NXPE2: variants seen among roughly 807,000 people sequenced by gnomAD.
NXPE2 encodes neurexophilin and PC-esterase domain family member 2.
A neutral mutation model predicts 34.4 loss-of-function variants in NXPE2; 34 were observed. The observed-to-expected ratio is 0.99, with a 90% CI of 0.75 to 1.31. The LOEUF is 1.31. Ranked by LOEUF, NXPE2 falls within the 40% of genes most tolerant of loss-of-function variation. The pLI is 0.00. For missense variants in NXPE2, 649 were observed against 672.5 expected (o/e 0.97, Z 0.39); for synonymous variants, 235 against 231.3 (o/e 1.02, Z -0.15).
chr11:114,573,956 T>G, the NXPE2 span, among the ~76,000 whole-genome samples: 1 of 152,100 alleles, frequency 6.6e-6, no homozygotes, highest in Non-Finnish European at 1.5e-5. Flanking sequence ...GAGCATATGA[T>G]AGGCCACAAA....
At chr11:114,732,119 C>A in the NXPE2 span, among the ~76,000 whole-genome samples, 1,356 of 152,244 alleles carry the variant, frequency 8.9e-3, 10 homozygotes, top group Non-Finnish European at 0.014. Flanking sequence ...GTGCAATTTA[C>A]ATACAATAAA....
the NXPE2 span, among the ~76,000 whole-genome samples, chr11:114,641,533 G>C: frequency 1.3e-5 from 2 of 152,060 alleles, no homozygotes; most frequent in Non-Finnish European, 2.9e-5. Flanking sequence ...ATATGTAACT[G>C]TACATGCAGC....
the NXPE2 span, among the ~76,000 whole-genome samples, chr11:114,598,143 G>T: frequency 6.6e-6 from 1 of 152,180 alleles, no homozygotes; most frequent in Non-Finnish European, 1.5e-5. Flanking sequence ...AGCAGCTACA[G>T]GCTTCATGCA....
chr11:114,663,716 G>A, the NXPE2 span, among the ~76,000 whole-genome samples: 6 of 86,438 alleles, frequency 6.9e-5, no homozygotes, highest in Non-Finnish European at 1.5e-4. Flanking sequence ...CTATCTATCT[G>A]ATCTACCTAC....
chr11:114,474,936 A>G, the NXPE2 span, among the ~76,000 whole-genome samples: 2 of 152,224 alleles, frequency 1.3e-5, no homozygotes, highest in Non-Finnish European at 2.9e-5. Flanking sequence ...ATTTTTGTCA[A>G]AACGTTCAAA....
the NXPE2 span, among the ~76,000 whole-genome samples, chr11:114,794,120 G>A: frequency 1.3e-5 from 2 of 152,092 alleles, no homozygotes; most frequent in African/African-American, 2.4e-5. Context: ...AGCACTTCCT[G>A]CTGAGTCTCT....
the NXPE2 span, among the ~76,000 whole-genome samples, chr11:114,740,864 T>A: frequency 6.6e-6 from 1 of 152,216 alleles, no homozygotes; most frequent in Non-Finnish European, 1.5e-5. Context: ...TGGGTGCATA[T>A]GTATGTAGAA....
the NXPE2 span, among the ~76,000 whole-genome samples, chr11:114,492,859 T>G: frequency 6.6e-6 from 1 of 152,202 alleles, no homozygotes; most frequent in Admixed American, 6.5e-5. Context: ...GTTTCTTTGT[T>G]GATTTTCTGT....
At position 114,704,041 on chromosome 11, in the gene NXPE2, T is replaced by C. The variant is rs1242758649; in HGVS notation, c.917T>C (p.Ile306Thr). ...MMKNFTPIEV[I>T]PCNKSENIKK... ...AAGAACTTTACCCCCATTGAGGTCA[T>C]ACCATGCAACAGTAAGTCTGGAGTG... Residue 306 changes from isoleucine to threonine, a missense_variant, in exon 4 of 6, where the codon ATA (isoleucine) becomes ACA (threonine). Physicochemically the swap from Ile to Thr is moderately conservative, Grantham distance 89. Transcript: ENST00000389586. 4 of 1,551,176 alleles carry C rather than the reference T, an allele frequency of 2.6e-6. No homozygotes were observed. The highest frequency in any genetic ancestry group is 3.5e-6 in the Non-Finnish European group (4 of 1,146,152).
chr11:114,720,385 T>C, the NXPE2 span, among the ~76,000 whole-genome samples: 1 of 152,196 alleles, frequency 6.6e-6, no homozygotes, highest in Admixed American at 6.5e-5. Context: ...AAGGCCTGCT[T>C]CTCCATAAAG....
chr11:114,796,240 A>G, the NXPE2 span, among the ~76,000 whole-genome samples: 1 of 152,234 alleles, frequency 6.6e-6, no homozygotes, highest in African/African-American at 2.4e-5. Flanking sequence ...GATATATTGC[A>G]TAATGATGGG....
chr11:114,713,768 G>A, the NXPE2 span, among the ~76,000 whole-genome samples: 20 of 152,162 alleles, frequency 1.3e-4, no homozygotes, highest in African/African-American at 4.8e-4. Flanking sequence ...AAAGGAGCAG[G>A]TGAGTTGGCA....
chr11:114,730,205 T>C, the NXPE2 span, among the ~76,000 whole-genome samples: 1 of 152,200 alleles, frequency 6.6e-6, no homozygotes, highest in Non-Finnish European at 1.5e-5. Flanking sequence ...AAAGATCAGA[T>C]GACTGTAGGA....
the NXPE2 span, among the ~76,000 whole-genome samples, chr11:114,806,955 C>T: frequency 6.6e-6 from 1 of 152,108 alleles, no homozygotes; most frequent in Non-Finnish European, 1.5e-5. Flanking sequence ...AGTCGGGTTA[C>T]CCACAAAGGG....
the NXPE2 span, among the ~76,000 whole-genome samples, chr11:114,569,871 A>G: frequency 2.6e-5 from 4 of 152,194 alleles, no homozygotes; most frequent in Non-Finnish European, 5.9e-5. Context: ...AGGGAGTATT[A>G]ACAGCCTGTC....
the NXPE2 span, among the ~76,000 whole-genome samples, chr11:114,739,347 CCT>C: frequency 1.2e-5 from 1 of 84,440 alleles, no homozygotes; most frequent in African/African-American, 4.6e-5. Flanking sequence ...TTCCCCCCTT[CCT>C]CTCTCCCTCC....
chr11:114,803,507 C>G, the NXPE2 span, among the ~76,000 whole-genome samples: 1 of 152,046 alleles, frequency 6.6e-6, no homozygotes, highest in African/African-American at 2.4e-5. Context: ...GGTTCTTTTC[C>G]TCATAGATGG....
chr11:114,582,285 T>C, the NXPE2 span: 1 of 1,556,528 alleles, frequency 6.4e-7, no homozygotes, highest in South Asian at 1.2e-5. Flanking sequence ...TAATTATTTT[T>C]ACCTTTCAAA....
chr11:114,764,130 C>T, the NXPE2 span, among the ~76,000 whole-genome samples: 761 of 152,254 alleles, frequency 5.0e-3, 4 homozygotes, highest in African/African-American at 0.018. Flanking sequence ...TCGAACTCTT[C>T]CCACCCTACC....
Sources: gnomAD v4.1 joint callset for allele counts (sites outside exome capture counted in the v4.1 genomes callset) on GRCh38, gnomAD v4.1.1 for gene constraint, MANE v1.5 for transcripts, NCBI Gene and HGNC (gene_info 2026-07-23, HGNC 2026-07-21) for gene names.